THSD7A: variants seen among roughly 807,000 people sequenced by gnomAD.
THSD7A encodes the protein thrombospondin type 1 domain containing 7A.
THSD7A carries 96 observed loss-of-function variants against 231.3 expected under a neutral mutation model. The ratio of observed to expected loss-of-function variants is 0.41; its 90% CI spans 0.35 to 0.49. THSD7A has a LOEUF of 0.49. Ranked by LOEUF, THSD7A falls within the 20% of genes least tolerant of loss-of-function variation. The pLI, the probability that THSD7A is intolerant of heterozygous loss-of-function variation, is 0.05. For missense variants in THSD7A, 2,290 were observed against 2,070.2 expected, an observed-to-expected ratio of 1.11 and a Z score of -2.06; for synonymous variants, 940 against 743.3, an observed-to-expected ratio of 1.26 and a Z score of -4.30.
At chr7:11,494,472 A>C (rs1787019993) in intron 6 of THSD7A, among the ~76,000 whole-genome samples, 1 of 152,006 alleles carries the variant, frequency 6.6e-6, no homozygotes, top group Non-Finnish European at 1.5e-5. Flanking sequence ...CAGGTAAAAT[A>C]ATCTAACATT....
At chr7:11,421,331 G>C (rs915062805) in intron 16 of THSD7A, among the ~76,000 whole-genome samples, 1 of 152,036 alleles carries the variant, frequency 6.6e-6, no homozygotes, top group African/African-American at 2.4e-5. Context: ...AAAGTGTGTG[G>C]CACTTCCCCC....
chr7:11,802,549 G>T (rs565059915), intron 1 of THSD7A, among the ~76,000 whole-genome samples: 4 of 152,256 alleles, frequency 2.6e-5, no homozygotes, highest in African/African-American at 9.6e-5. Context: ...ATAAATAACA[G>T]AGAAGGATAG....
intron 2 of THSD7A, among the ~76,000 whole-genome samples, chr7:11,596,555 G>A (rs866273265): frequency 1.3e-5 from 2 of 152,106 alleles, no homozygotes; most frequent in East Asian, 1.9e-4. Context: ...AAGGCCAAAC[G>A]GAAGCCATTA....
intron 1 of THSD7A, among the ~76,000 whole-genome samples, chr7:11,727,291 T>G (rs1230216899): frequency 6.6e-6 from 1 of 151,960 alleles, no homozygotes; most frequent in Non-Finnish European, 1.5e-5. Context: ...CTCTATGCCT[T>G]TCCTCCTCTT....
At chr7:11,457,406 T>C (rs959525759) in intron 11 of THSD7A, among the ~76,000 whole-genome samples, 14 of 152,086 alleles carry the variant, frequency 9.2e-5, no homozygotes, top group African/African-American at 3.4e-4. Context: ...CTTTTATTTT[T>C]ATCTCTCTTC....
rs1783999137 is a variant in THSD7A, at chr7:11,417,485, T to C, written c.3502A>G (p.Ile1168Val). 3 of 1,611,552 alleles carry C rather than the reference T, an allele frequency of 1.9e-6. No homozygotes were observed. The highest frequency in any genetic ancestry group is 1.3e-5 in the African/African-American group (1 of 74,904). Residue 1168 changes from isoleucine to valine, a missense_variant, in exon 17 of 28, where the codon ATA becomes GTA. Ile to Val is a conservative substitution (Grantham distance 29). Transcript: ENST00000423059. ...TGGGTCCATGGACCCCATTCAGATATCACACAGTCCTCAGGGCATGGTAAT... is the reference window on the plus strand; with the variant it reads ...TGGGTCCATGGACCCCATTCAGATACCACACAGTCCTCAGGGCATGGTAAT... ...CKLPCPEDCV[I>V]SEWGPWTQCV...
chr7:11,533,860 G>C (rs1283113140), intron 6 of THSD7A, among the ~76,000 whole-genome samples: 1 of 152,130 alleles, frequency 6.6e-6, no homozygotes, highest in Non-Finnish European at 1.5e-5. Flanking sequence ...CAAACCTACA[G>C]GTTCTGCACT....
chr7:11,764,361 C>A (rs1353097846), intron 1 of THSD7A, among the ~76,000 whole-genome samples: 2 of 152,060 alleles, frequency 1.3e-5, no homozygotes, highest in Non-Finnish European at 2.9e-5. Flanking sequence ...GCGGGTGGAT[C>A]ACGAGGTCAG....
In THSD7A at chr7:11,543,137, C is replaced by T. The variant is rs1789225765; in HGVS notation, c.1454-20G>A. On this transcript the variant is annotated intron_variant, in intron 4 of 27. Coordinates refer to ENST00000423059, the MANE Select transcript of THSD7A (RefSeq NM_015204.3). The stretch of plus-strand genomic sequence containing the variant: ...TTGAGGCTAGAGAAAAATACAGACA[C>T]ATATTAAAAAATGAACAAAAGGAAC... 2 of 1,595,220 alleles carry T rather than the reference C, an allele frequency of 1.3e-6. No individual in the cohort carries two copies. The highest frequency in any genetic ancestry group is 8.5e-7 in the Non-Finnish European group (1 of 1,170,142).
chr7:11,678,462 A>G (rs1411075137), intron 1 of THSD7A, among the ~76,000 whole-genome samples: 4 of 152,186 alleles, frequency 2.6e-5, no homozygotes, highest in African/African-American at 4.8e-5. Flanking sequence ...TGAGAAATAA[A>G]GAAGAAAAGA....
intron 6 of THSD7A, among the ~76,000 whole-genome samples, chr7:11,538,879 C>G (rs1789026203): frequency 6.6e-6 from 1 of 152,114 alleles, no homozygotes; most frequent in Admixed American, 6.6e-5. Context: ...TTAATGATCA[C>G]TGGGAGTCTG....
At chr7:11,577,110 G>A (rs532647996) in intron 4 of THSD7A, among the ~76,000 whole-genome samples, 1 of 152,184 alleles carries the variant, frequency 6.6e-6, no homozygotes, top group African/African-American at 2.4e-5. Flanking sequence ...ACCGCAATAT[G>A]TTGGGGACTT....
intron 11 of THSD7A, among the ~76,000 whole-genome samples, chr7:11,448,648 C>T (rs1374992329): frequency 6.6e-6 from 1 of 152,002 alleles, no homozygotes; most frequent in Non-Finnish European, 1.5e-5. Flanking sequence ...AAACCTATTG[C>T]CTAGGAGTGC....
chr7:11,411,463 TG>T lies in THSD7A; in HGVS notation c.3683-142del, dbSNP rs1344697786. 18 of 623,138 alleles carry T rather than the reference TG, an allele frequency of 2.9e-5. No individual in the cohort carries two copies. The highest frequency in any genetic ancestry group is 1.5e-4 in the Admixed American group (5 of 33,344). The allele number at this position is 623,138 out of a possible 1,614,324, so 38.6% of individuals were successfully genotyped here. ...TCAATCATCCCCCATGCAGAGCATA[TG>T]GGTCCCAGCTTTGAACGTATCAGGA... On this transcript the variant is annotated intron_variant, in intron 18 of 27. Coordinates refer to ENST00000423059, the MANE Select transcript of THSD7A (RefSeq NM_015204.3). This position sits in a 1 kb window ranked among gnomAD's most constrained non-coding sequence, Gnocchi z 4.1.
chr7:11,455,627 T>C (rs910006546), intron 11 of THSD7A, among the ~76,000 whole-genome samples: 4 of 152,054 alleles, frequency 2.6e-5, no homozygotes, highest in Non-Finnish European at 4.4e-5. Context: ...TGTGTTCTAA[T>C]ATAATAGATC....
intron 1 of THSD7A, among the ~76,000 whole-genome samples, chr7:11,643,566 A>G (rs1467469497): frequency 6.7e-6 from 1 of 150,064 alleles, no homozygotes; most frequent in African/African-American, 2.5e-5. Context: ...ATAATGTGCT[A>G]TAATTCCATT....
chr7:11,504,961 A>G (rs1787483338), intron 6 of THSD7A, among the ~76,000 whole-genome samples: 1 of 152,192 alleles, frequency 6.6e-6, no homozygotes, highest in Non-Finnish European at 1.5e-5. Context: ...AATAACTGCT[A>G]AGGTATGTAA....
At chr7:11,440,503 C>T (rs988623515) in intron 13 of THSD7A, among the ~76,000 whole-genome samples, 3 of 152,000 alleles carry the variant, frequency 2.0e-5, no homozygotes, top group Admixed American at 6.6e-5. Flanking sequence ...AACCTAGATG[C>T]CATTAAGAAC....
intron 1 of THSD7A, among the ~76,000 whole-genome samples, chr7:11,742,346 A>C (rs1228658223): frequency 1.3e-5 from 2 of 151,966 alleles, no homozygotes; most frequent in African/African-American, 4.8e-5. Flanking sequence ...CAATTAGTAA[A>C]AACAAACAAC....
Sources: allele counts gnomAD v4.1 joint callset (sites outside exome capture counted in the v4.1 genomes callset), GRCh38; gene constraint gnomAD v4.1.1; non-coding constraint Gnocchi (gnomAD v3.1); transcripts MANE v1.5; gene names NCBI Gene and HGNC (gene_info 2026-07-23, HGNC 2026-07-21).